Variants in USP14 observed in about 807,000 individuals in gnomAD.
USP14 encodes the protein ubiquitin specific peptidase 14, also known as ubiquitin carboxyl-terminal hydrolase 14.
Under a neutral mutation model 76.5 loss-of-function variants are expected in USP14, and 38 were observed. That is an observed-to-expected ratio of 0.50 (90% CI 0.38 to 0.65). The LOEUF (loss-of-function observed/expected upper bound fraction) is 0.65. USP14 is among the 30% of genes least tolerant of loss of function. The probability of loss-of-function intolerance (pLI) is 0.00; values close to 1 mark genes in which losing one functional copy is unlikely to be tolerated. For synonymous variants in USP14, 192 were observed against 191.7 expected, an observed-to-expected ratio of 1.00 and a Z score of -0.01; for missense variants, 467 against 586.5, an observed-to-expected ratio of 0.80 and a Z score of 2.10.
At chr18:203,290 T>C in intron 12 of USP14, 100 bp downstream of exon 12, 1 of 1,109,114 alleles carries the variant, frequency 9.0e-7, no homozygotes, top group South Asian at 1.5e-5. Flanking sequence ...AGTTAAGCTT[T>C]CTTTGAAATA....
At chr18:189,075 T>C (rs542262042) in intron 5 of USP14, among the ~76,000 whole-genome samples, 39 of 152,280 alleles carry the variant, frequency 2.6e-4, no homozygotes, top group Admixed American at 4.6e-4. Flanking sequence ...TATTTCAGCT[T>C]AAGAGTTATT....
At chr18:193,356 A>T (rs1318015559) in intron 6 of USP14, among the ~76,000 whole-genome samples, 1 of 152,108 alleles carries the variant, frequency 6.6e-6, no homozygotes, top group African/African-American at 2.4e-5. Flanking sequence ...AATTTTGGAC[A>T]TTTTAATACT....
At chr18:204,742 A>T (rs760988543) in intron 13 of USP14, 50 bp downstream of exon 13, 3 of 1,584,036 alleles carry the variant, frequency 1.9e-6, no homozygotes, top group Non-Finnish European at 2.6e-6. Flanking sequence ...ATCTCCCATC[A>T]GTGCTCAGCA....
chr18:162,841 A>G (rs1423016246), intron 1 of USP14: 1 of 150,276 alleles, frequency 6.7e-6, no homozygotes, highest in East Asian at 1.9e-4. Context: ...ACTGTCGCCC[A>G]GGCTGGAGTG....
chr18:197,973 T>C, intron 8 of USP14, 74 bp from the exon 9 acceptor site: 1 of 1,314,804 alleles, frequency 7.6e-7, no homozygotes, highest in Non-Finnish European at 1.0e-6. Context: ...TATGTATTAC[T>C]AAACTGGATT....
chr18:177,025 CTA>C (rs1909645865), intron 3 of USP14, among the ~76,000 whole-genome samples: 1 of 152,040 alleles, frequency 6.6e-6, no homozygotes, highest in Non-Finnish European at 1.5e-5. Context: ...ATTTATATAA[CTA>C]TAATTGCATC....
intron 13 of USP14, among the ~76,000 whole-genome samples, chr18:208,290 T>G (rs1350006295): frequency 2.0e-5 from 3 of 152,244 alleles, no homozygotes; most frequent in African/African-American, 7.2e-5. Context: ...GTATGTAGAA[T>G]TGTTTCTAGT....
Position 166,471 on chromosome 18 carries a change from T to C in USP14, c.163-316T>C, listed in dbSNP as rs557553731. 2.0e-5 allele frequency among the ~76,000 whole-genome samples: 3 copies of C among 152,256 alleles called. No homozygotes were observed. The South Asian group carries it at 6.2e-4, about 32-fold the overall frequency. On this transcript the variant is annotated intron_variant, in intron 2 of 15. Coordinates refer to ENST00000261601, the MANE Select transcript of USP14 (RefSeq NM_005151.4). ...TCTCAGCCTCCCGAGTAGCTGGAAT[T>C]ACAGGTGTGCACCACCATGCTCAGC... is the stretch of plus-strand genomic sequence containing the variant.
intron 5 of USP14, among the ~76,000 whole-genome samples, chr18:191,659 C>G (rs1910091999): frequency 6.6e-6 from 1 of 152,102 alleles, no homozygotes; most frequent in African/African-American, 2.4e-5. Flanking sequence ...AAACGGAATC[C>G]TACAGGTCAT....
At position 202,921 on chromosome 18, in the gene USP14, A is replaced by G. The variant is rs1910422201; in HGVS notation, c.918A>G (p.Gln306=). 4 of 1,614,030 alleles carry G rather than the reference A, an allele frequency of 2.5e-6. No individual in the cohort carries two copies. The South Asian group carries it at 4.4e-5, about 18-fold the overall frequency. ...TCACCAAACAGTCTCCAACGTTGCA[A>G]AGAAATGCCTTGTATATCAAATCTG... ...EEITKQSPTL[Q]RNALYIKSSK... is the part of the protein sequence containing the mutation. Residue 306 remains glutamine (Q), a synonymous_variant, in exon 11 of 16, where the codon CAA becomes CAG. Transcript: ENST00000261601.
In USP14 at chr18:211,414, A is replaced by T; in HGVS notation, c.*130A>T. 1 of 959,430 alleles carries T rather than the reference A, an allele frequency of 1.0e-6. No individual in the cohort carries two copies. Among genetic ancestry groups the T allele is most frequent in the Non-Finnish European group, 1.5e-6 (1 of 667,842 alleles). The allele number at this position is 959,430 out of a possible 1,614,324, so 59.4% of individuals were successfully genotyped here. A position where few individuals can be genotyped will look rare whatever the true frequency, so the allele number is the denominator to read the frequency against. Reference sequence around the variant, plus strand: ...CACCTCATTTGGAACAAAAGAGGACAGAAGCAGACCACTCTGTGCACCAAC... The same window carrying T: ...CACCTCATTTGGAACAAAAGAGGACTGAAGCAGACCACTCTGTGCACCAAC... On this transcript the variant is annotated 3_prime_UTR_variant, in exon 16 of 16. Transcript: ENST00000261601.
At chr18:176,350 G>C (rs1339524200) in intron 3 of USP14, among the ~76,000 whole-genome samples, 1 of 152,098 alleles carries the variant, frequency 6.6e-6, no homozygotes, top group Admixed American at 6.6e-5. Flanking sequence ...ATGGGGTCTT[G>C]CTATGTTGCT....
intron 3 of USP14, among the ~76,000 whole-genome samples, chr18:172,107 G>A (rs867722774): frequency 6.6e-6 from 1 of 152,112 alleles, no homozygotes; most frequent in South Asian, 2.1e-4. Flanking sequence ...GCATGGTGGT[G>A]TATACCTGTA....
intron 2 of USP14, among the ~76,000 whole-genome samples, chr18:164,696 T>C (rs1909220597): frequency 6.6e-6 from 1 of 152,146 alleles, no homozygotes; most frequent in African/African-American, 2.4e-5. Flanking sequence ...TCAAGTGATC[T>C]GCCCACCTTG....
intron 6 of USP14, among the ~76,000 whole-genome samples, chr18:193,111 A>T (rs940452349): frequency 6.6e-6 from 1 of 151,972 alleles, no homozygotes; most frequent in South Asian, 2.1e-4. Flanking sequence ...TAATCTTTGG[A>T]TTTTTTTGGA....
rs868742729 is a variant in USP14 at position 180,305 on chromosome 18, C to T, written c.370C>T (p.Arg124Cys). 3.8e-6 allele frequency: 6 copies of T among 1,586,906 alleles called. No individual in the cohort carries two copies. Among genetic ancestry groups the T allele is most frequent in the Non-Finnish European group, 5.1e-6 (6 of 1,172,742 alleles). ...CATGAATGCCACAGTTCAGTGTATT[C>T]GTTCTGTGCCTGAACTCAAAGATGC... ...CYMNATVQCI[R>C]SVPELKDALK... The change falls in exon 5 of 16, where the codon CGT becomes TGT. Residue 124 changes from arginine to cysteine, a missense_variant. By Grantham distance (180) the Arg-to-Cys change is radical. Transcript: ENST00000261601.
At chr18:190,151 C>T (rs1023390424) in intron 5 of USP14, among the ~76,000 whole-genome samples, 7 of 151,998 alleles carry the variant, frequency 4.6e-5, no homozygotes, top group South Asian at 2.1e-4. Context: ...TATAGTATTC[C>T]GTTGTGTCCT....
intron 7 of USP14, 133 bp from the exon 8 acceptor site, chr18:197,483 G>C: frequency 1.6e-6 from 1 of 632,498 alleles, no homozygotes; most frequent in Non-Finnish European, 2.7e-6. Context: ...TTGGAAGATC[G>C]TATGTCTTAT....
intron 14 of USP14, 135 bp downstream of exon 14, chr18:210,166 A>T: frequency 2.6e-6 from 2 of 783,034 alleles, no homozygotes; most frequent in Non-Finnish European, 4.0e-6. Flanking sequence ...AATTTACCTT[A>T]ATGACATATA....
Sources: allele counts gnomAD v4.1 joint callset (sites outside exome capture counted in the v4.1 genomes callset), GRCh38; gene constraint gnomAD v4.1.1; transcripts MANE v1.5; gene names NCBI Gene and HGNC (gene_info 2026-07-23, HGNC 2026-07-21).